CACNA2D3: variants seen among roughly 807,000 people sequenced by gnomAD.
CACNA2D3 encodes the protein voltage-dependent calcium channel subunit alpha-2/delta-3.
A neutral mutation model predicts 160.6 loss-of-function variants in CACNA2D3; 60 were observed. The ratio of observed to expected loss-of-function variants is 0.37; its 90% CI spans 0.30 to 0.46. The LOEUF (loss-of-function observed/expected upper bound fraction) is 0.46, where lower values mean the gene tolerates loss of function less well. CACNA2D3 is among the 20% of genes least tolerant of loss of function. The pLI is 1.00. For synonymous variants in CACNA2D3, 558 were observed against 492.9 expected (o/e 1.13, Z -1.75); for missense variants, 1,205 against 1,365.0 (o/e 0.88, Z 1.85).
intron 13 of CACNA2D3, among the ~76,000 whole-genome samples, chr3:54,778,154 G>C (rs1702458369): frequency 6.6e-6 from 1 of 152,134 alleles, no homozygotes. Flanking sequence ...AAGAGAGAGA[G>C]TGGGGAGCTG....
chr3:54,203,949 C>T, intron 2 of CACNA2D3, among the ~76,000 whole-genome samples: 1 of 151,916 alleles, frequency 6.6e-6, no homozygotes, highest in East Asian at 1.9e-4. Flanking sequence ...CCTGTCCTCA[C>T]CTAGGTCCCT....
chr3:54,312,174 G>A (rs893579876), intron 2 of CACNA2D3, among the ~76,000 whole-genome samples: 2 of 152,214 alleles, frequency 1.3e-5, no homozygotes, highest in Admixed American at 6.5e-5. Context: ...CAAGGCAAAC[G>A]CTCCACATTT....
Position 55,074,285 on chromosome 3 carries a change from T to C in CACNA2D3, c.*79T>C, listed in dbSNP as rs1262215602. On this transcript the variant is annotated 3_prime_UTR_variant, in exon 38 of 38. Coordinates refer to ENST00000474759, the MANE Select transcript of CACNA2D3 (RefSeq NM_018398.3). ...CATGGATAAACTGTGAACCAAAATATGGTGCAACATACGAGACATGAATAT... is the reference window on the plus strand; with the variant it reads ...CATGGATAAACTGTGAACCAAAATACGGTGCAACATACGAGACATGAATAT... The C allele has an allele frequency of 6.3e-6, 7 of 1,114,166 alleles. No homozygotes were observed. In the Admixed American group the frequency reaches 6.8e-5, roughly 11 times the overall value. 69.0% of individuals were successfully genotyped at this position (1,114,166 alleles called of 1,614,324 possible).
intron 27 of CACNA2D3, among the ~76,000 whole-genome samples, chr3:54,932,440 AAG>A (rs1291537366): frequency 6.6e-6 from 1 of 152,152 alleles, no homozygotes; most frequent in African/African-American, 2.4e-5. Flanking sequence ...ACTAAAGAAA[AAG>A]AGGGGAAAAT....
At chr3:54,723,690 C>T (rs959865662) in intron 11 of CACNA2D3, among the ~76,000 whole-genome samples, 3 of 152,206 alleles carry the variant, frequency 2.0e-5, no homozygotes, top group South Asian at 2.1e-4. Flanking sequence ...CACTCTGCTT[C>T]GGCTCACCCT....
chr3:54,188,154 C>T (rs1700910240), intron 2 of CACNA2D3, among the ~76,000 whole-genome samples: 2 of 152,110 alleles, frequency 1.3e-5, no homozygotes, highest in African/African-American at 4.8e-5. Context: ...GACTGTTAAG[C>T]GTAGGTCATG....
chr3:54,938,297 C>T (rs1701379476), intron 27 of CACNA2D3, among the ~76,000 whole-genome samples: 1 of 152,184 alleles, frequency 6.6e-6, no homozygotes, highest in African/African-American at 2.4e-5. Context: ...TGCAGCAGAC[C>T]AGAAGTGGCA....
At chr3:54,153,816 T>C (rs886869292) in intron 2 of CACNA2D3, among the ~76,000 whole-genome samples, 1 of 152,226 alleles carries the variant, frequency 6.6e-6, no homozygotes, top group African/African-American at 2.4e-5. Context: ...TTGCCTATTA[T>C]TGGGTTGCCA....
At chr3:54,524,839 G>C (rs1430003254) in intron 5 of CACNA2D3, among the ~76,000 whole-genome samples, 1 of 152,000 alleles carries the variant, frequency 6.6e-6, no homozygotes, top group Non-Finnish European at 1.5e-5. Flanking sequence ...AAGGGTTGCT[G>C]TTTCCATAAT....
intron 31 of CACNA2D3, among the ~76,000 whole-genome samples, chr3:54,992,603 C>G (rs1702764604): frequency 2.0e-5 from 3 of 152,198 alleles, no homozygotes; most frequent in Middle Eastern, 6.8e-3. Context: ...CTGAATCCGT[C>G]TCTTCCTAGA....
At chr3:54,156,606 C>T (rs1700249726) in intron 2 of CACNA2D3, among the ~76,000 whole-genome samples, 1 of 152,248 alleles carries the variant, frequency 6.6e-6, no homozygotes, top group Admixed American at 6.5e-5. Flanking sequence ...TGAAGCAGGG[C>T]TGGCCCTTCC....
chr3:54,241,308 C>G (rs1181356620), intron 2 of CACNA2D3, among the ~76,000 whole-genome samples: 1 of 152,140 alleles, frequency 6.6e-6, no homozygotes, highest in Non-Finnish European at 1.5e-5. Context: ...GTAAGCACTT[C>G]CTGAGCAGAG....
intron 2 of CACNA2D3, among the ~76,000 whole-genome samples, chr3:54,151,759 C>G (rs138464320): frequency 2.0e-4 from 31 of 152,324 alleles, no homozygotes; most frequent in African/African-American, 7.0e-4. Flanking sequence ...TCCTTAAGCC[C>G]TTCCTGTGTA....
chr3:54,206,497 T>A (rs1418146830), intron 2 of CACNA2D3, among the ~76,000 whole-genome samples: 1 of 152,148 alleles, frequency 6.6e-6, no homozygotes, highest in Non-Finnish European at 1.5e-5. Flanking sequence ...AATGGTTCTC[T>A]CCCTCACACG....
intron 31 of CACNA2D3, 46 bp from the exon 32 acceptor site, chr3:55,004,717 C>T (rs766442823): frequency 5.9e-5 from 78 of 1,324,140 alleles, no homozygotes; most frequent in Admixed American, 2.4e-4. Flanking sequence ...AATTGGTTCC[C>T]GTGTTTTCTC....
intron 27 of CACNA2D3, among the ~76,000 whole-genome samples, chr3:54,938,928 T>C (rs972952380): frequency 3.3e-5 from 5 of 152,062 alleles, no homozygotes; most frequent in African/African-American, 9.7e-5. Context: ...CAGGAGAGCA[T>C]GTGCATTGGC....
intron 9 of CACNA2D3, among the ~76,000 whole-genome samples, chr3:54,609,551 GT>G (rs781703531): frequency 2.6e-5 from 4 of 152,200 alleles, no homozygotes; most frequent in Non-Finnish European, 5.9e-5. Context: ...CAAAGCAGGT[GT>G]TTCTCAAAAA....
chr3:54,984,875 G>T (rs540926827), intron 30 of CACNA2D3, among the ~76,000 whole-genome samples: 11 of 152,134 alleles, frequency 7.2e-5, no homozygotes, highest in Non-Finnish European at 2.9e-5. Flanking sequence ...CCTCCCACTG[G>T]GGGGTGCAGG....
intron 2 of CACNA2D3, among the ~76,000 whole-genome samples, chr3:54,280,346 G>C (rs989406220): frequency 2.0e-5 from 3 of 152,154 alleles, no homozygotes; most frequent in Non-Finnish European, 2.9e-5. Flanking sequence ...CTCCCAAAGT[G>C]CTGGGATTAC....
Sources: allele counts gnomAD v4.1 joint callset (sites outside exome capture counted in the v4.1 genomes callset), GRCh38; gene constraint gnomAD v4.1.1; transcripts MANE v1.5; gene names NCBI Gene and HGNC (gene_info 2026-07-23, HGNC 2026-07-21).